Variants in ABI3BP observed in about 807,000 individuals in gnomAD.
ABI3BP encodes target of Nesh-SH3.
Under a neutral mutation model 268.6 loss-of-function variants are expected in ABI3BP, and 216 were observed. The ratio of observed to expected loss-of-function variants is 0.80; its 90% CI spans 0.72 to 0.90. The LOEUF is 0.90. Ranked by LOEUF, ABI3BP falls within the 40% of genes least tolerant of loss-of-function variation. The pLI is 0.00. For synonymous variants in ABI3BP, 730 were observed against 730.0 expected (o/e 1.00, Z 0.00); for missense variants, 2,090 against 2,182.4 (o/e 0.96, Z 0.84).
chr3:100,955,099 A>T (rs900018669), intron 1 of ABI3BP, among the ~76,000 whole-genome samples: 2 of 150,240 alleles, frequency 1.3e-5, no homozygotes, highest in Non-Finnish European at 3.0e-5. Flanking sequence ...CACACGGAGC[A>T]GTCAGCACAT....
chr3:100,768,914 GA>G (rs1288733367), intron 62 of ABI3BP, among the ~76,000 whole-genome samples: 2 of 152,212 alleles, frequency 1.3e-5, no homozygotes, highest in Non-Finnish European at 2.9e-5. Context: ...CTTCAGTATA[GA>G]AAGGACATGT....
Position 100,838,295 on chromosome 3 carries a change from T to C in ABI3BP, c.2009-11A>G, listed in dbSNP as rs752174543. ...TTGGTGGTTTTGAACCTGAAGAAAA[T>C]TAGAGTGCCATAATTAGTGTTACGG... On this transcript the variant is annotated splice_polypyrimidine_tract_variant and intron_variant, in intron 25 of 67. Transcript: ENST00000471714. The C allele has an allele frequency of 1.2e-5, 19 of 1,535,684 alleles. No individual in the cohort carries two copies. The South Asian group carries it at 2.3e-4, about 18-fold the overall frequency.
intron 2 of ABI3BP, among the ~76,000 whole-genome samples, chr3:100,912,374 C>G (rs574100766): frequency 3.5e-5 from 5 of 143,504 alleles, no homozygotes; most frequent in African/African-American, 1.3e-4. Context: ...ACAAAAACCT[C>G]AAGGGATACA....
chr3:100,928,168 C>G (rs2062440564), intron 1 of ABI3BP, among the ~76,000 whole-genome samples: 1 of 151,964 alleles, frequency 6.6e-6, no homozygotes, highest in African/African-American at 2.4e-5. Flanking sequence ...CCCTCCTCTC[C>G]AAATTTCTGA....
At chr3:100,933,875 C>A (rs2064783935) in intron 1 of ABI3BP, among the ~76,000 whole-genome samples, 1 of 151,724 alleles carries the variant, frequency 6.6e-6, no homozygotes, top group African/African-American at 2.4e-5. Context: ...TGTTCTGTAC[C>A]ACAACCATTC....
At chr3:100,755,448 G>A (rs2095566199) in intron 63 of ABI3BP, among the ~76,000 whole-genome samples, 1 of 152,162 alleles carries the variant, frequency 6.6e-6, no homozygotes, top group Non-Finnish European at 1.5e-5. Context: ...CTCCAGAAAA[G>A]AGGCATGGTA....
chr3:100,863,011 C>A, intron 12 of ABI3BP, 102 bp from the exon 13 acceptor site: 2 of 791,708 alleles, frequency 2.5e-6, no homozygotes, highest in East Asian at 5.4e-5. Context: ...CACAAAAAGG[C>A]AAATCATGTT....
chr3:100,992,813 A>G (rs1212536578), intron 1 of ABI3BP, among the ~76,000 whole-genome samples: 1 of 152,246 alleles, frequency 6.6e-6, no homozygotes, highest in East Asian at 1.9e-4. Context: ...AAATCAGCAC[A>G]TGACCGTACT....
chr3:100,789,101 C>A (rs7653661), intron 56 of ABI3BP, among the ~76,000 whole-genome samples: 93,736 of 152,020 alleles, frequency 0.62, 31,471 homozygotes, highest in East Asian at 0.94. Flanking sequence ...AAAAGAGACC[C>A]TCTTTTCTTC....
intron 4 of ABI3BP, among the ~76,000 whole-genome samples, chr3:100,887,978 G>A (rs536479435): frequency 2.0e-5 from 3 of 152,140 alleles, no homozygotes; most frequent in Non-Finnish European, 4.4e-5. Context: ...CTTCTAAGTT[G>A]GGGGTCTGGT....
chr3:100,862,584 C>A (rs184373760), intron 13 of ABI3BP, 199 bp from the exon 14 acceptor site: 46 of 579,734 alleles, frequency 7.9e-5, no homozygotes, highest in African/African-American at 7.1e-4. Context: ...AGAGAGAGAC[C>A]AGAGTTTGGT....
chr3:100,876,962 T>G (rs2099167335), intron 6 of ABI3BP, among the ~76,000 whole-genome samples: 1 of 152,144 alleles, frequency 6.6e-6, no homozygotes. Context: ...CACTCCAGCA[T>G]GGGTGACAAC....
chr3:100,860,698 G>T (rs1286697212), intron 14 of ABI3BP, among the ~76,000 whole-genome samples: 1 of 152,004 alleles, frequency 6.6e-6, no homozygotes. Context: ...TGATGTTTTG[G>T]TTAGTTTGCT....
At chr3:100,873,828 C>T (rs879451712) in intron 9 of ABI3BP, among the ~76,000 whole-genome samples, 4 of 152,128 alleles carry the variant, frequency 2.6e-5, no homozygotes, top group South Asian at 2.1e-4. Flanking sequence ...CAGCAACTTG[C>T]GGTTTTGACA....
intron 26 of ABI3BP, among the ~76,000 whole-genome samples, chr3:100,837,504 A>G (rs7644195): frequency 0.28 from 42,649 of 152,162 alleles, 6,139 homozygotes; most frequent in South Asian, 0.33. Flanking sequence ...CTATAATCCC[A>G]GCACTTTGGG....
Position 100,830,623 on chromosome 3 carries a change from T to C in ABI3BP, c.2413A>G (p.Ile805Val), listed in dbSNP as rs2098474552. ...TCAGTTCTAAGAACTGGTTCGAGGA[T>C]TGTGGCAGGAACTGATCAAAAGTAA... is the stretch of plus-strand genomic sequence containing the variant. ...VPQTKLVPAT[I>V]LEPVLRTEAS... Residue 805 changes from isoleucine (I) to valine (V), a missense_variant, in exon 32 of 68, where the codon ATC (isoleucine) becomes GTC (valine). Ile to Val is a conservative substitution (Grantham distance 29). Transcript: ENST00000471714. 1.3e-6 allele frequency: 2 copies of C among 1,532,226 alleles called. No homozygotes were observed. The highest frequency in any genetic ancestry group is 2.4e-5 in the East Asian group (1 of 40,870). The allele number at this position is 1,532,226 out of a possible 1,614,324, so 94.9% of individuals were successfully genotyped here.
At chr3:100,884,557 T>G (rs982028979) in intron 6 of ABI3BP, among the ~76,000 whole-genome samples, 4 of 152,090 alleles carry the variant, frequency 2.6e-5, no homozygotes, top group African/African-American at 9.7e-5. Flanking sequence ...CAGTGAAGTA[T>G]ATACTACTAT....
At chr3:100,838,121 G>GGT in intron 26 of ABI3BP, 89 bp downstream of exon 26, 3 of 1,356,820 alleles carry the variant, frequency 2.2e-6, no homozygotes, top group Non-Finnish European at 3.0e-6. Flanking sequence ...GGATTTCTAT[G>GGT]ATTTATATGA....
intron 1 of ABI3BP, among the ~76,000 whole-genome samples, chr3:100,932,433 C>T (rs181384469): frequency 3.9e-5 from 6 of 152,018 alleles, no homozygotes; most frequent in Non-Finnish European, 7.4e-5. Context: ...AAAATATTTG[C>T]AAACTACTCA....
Sources: allele counts gnomAD v4.1 joint callset (sites outside exome capture counted in the v4.1 genomes callset), GRCh38; gene constraint gnomAD v4.1.1; transcripts MANE v1.5; gene names NCBI Gene and HGNC (gene_info 2026-07-23, HGNC 2026-07-21).